The following CYFIP1 variants were observed in gnomAD, a reference collection of about 807,000 sequenced individuals.
CYFIP1 encodes cytoplasmic FMR1-interacting protein 1.
In CYFIP1, 58 loss-of-function variants were observed where a neutral mutation model predicts 163.5. The observed-to-expected ratio is 0.35, with a 90% CI of 0.29 to 0.44. The LOEUF is 0.44. CYFIP1 is among the 20% of genes least tolerant of loss of function. The pLI is 1.00. For synonymous variants in CYFIP1, 663 were observed against 660.7 expected (o/e 1.00, Z -0.05); for missense variants, 1,338 against 1,653.8 (o/e 0.81, Z 3.31).
Position 22,947,292 on chromosome 15 carries a change from C to A in CYFIP1, c.-6-1G>T. On this transcript the variant is annotated splice_acceptor_variant, in intron 1 of 30. Transcript: ENST00000617928. LOFTEE classifies it low-confidence loss of function (5UTR_SPLICE). ...GAGTCACCTGGGCCGCCATCCTGGG[C>A]TGGAACAACACATAAGGACCCCTGT... 1 of 1,613,362 alleles carries A rather than the reference C, an allele frequency of 6.2e-7. No homozygotes were observed. The highest frequency in any genetic ancestry group is 1.1e-5 in the South Asian group (1 of 91,024).
chr15:22,882,784 C>G, intron 24 of CYFIP1, 84 bp downstream of exon 24: 1 of 1,479,284 alleles, frequency 6.8e-7, no homozygotes, highest in Non-Finnish European at 9.2e-7. Flanking sequence ...TGGAGAATCA[C>G]AGTCCAGGCA....
At position 22,872,858 on chromosome 15, in the gene CYFIP1, T is replaced by C; in HGVS notation, c.3564A>G (p.Lys1188=). 5 of 1,614,170 alleles carry C rather than the reference T, an allele frequency of 3.1e-6. No individual in the cohort carries two copies. Among genetic ancestry groups the C allele is most frequent in the Non-Finnish European group, 4.2e-6 (5 of 1,179,996 alleles). ...DFCYHLLKVQ[K]HDGKDEIIKN... Reference sequence around the variant, plus strand: ...TAATAATCTCATCTTTGCCATCATGTTTCTGGACTTTAAGTAGATGGTAGC... The same window carrying C: ...TAATAATCTCATCTTTGCCATCATGCTTCTGGACTTTAAGTAGATGGTAGC... Residue 1188 remains lysine, a synonymous_variant, in exon 30 of 31, where the codon AAA becomes AAG. Coordinates refer to ENST00000617928, the MANE Select transcript of CYFIP1 (RefSeq NM_014608.6).
chr15:22,876,124 T>TA (rs897409112), intron 26 of CYFIP1, among the ~76,000 whole-genome samples: 1 of 151,704 alleles, frequency 6.6e-6, no homozygotes, highest in Non-Finnish European at 1.5e-5. Flanking sequence ...GCTGAAATCT[T>TA]AAAGTCCCAT....
chr15:22,887,223 G>T (rs2059948991), intron 23 of CYFIP1, among the ~76,000 whole-genome samples: 1 of 152,066 alleles, frequency 6.6e-6, no homozygotes, highest in Admixed American at 6.5e-5. Flanking sequence ...ATGTGTAGAG[G>T]GTCATGAGAC....
chr15:22,885,596 G>A lies in CYFIP1; in HGVS notation c.2677-2585C>T, dbSNP rs557623268. 3.2e-4 allele frequency among the ~76,000 whole-genome samples: 49 copies of A among 152,284 alleles called. 2 individuals are homozygous for A. The South Asian group carries it at 9.3e-3, about 29-fold the overall frequency. On this transcript the variant is annotated intron_variant, in intron 23 of 30. Coordinates refer to ENST00000617928, the MANE Select transcript of CYFIP1 (RefSeq NM_014608.6). ...AAATACAAAAAAATTAACTGGGCAT[G>A]GTGGTGGGCACCTGTAATCCCAGCT...
At chr15:22,875,354 G>C in intron 26 of CYFIP1, 83 bp from the exon 27 acceptor site, 1 of 1,141,850 alleles carries the variant, frequency 8.8e-7, no homozygotes. Context: ...GAACTTCTTT[G>C]CCTTTTAGCA....
chr15:22,905,254 C>T (rs1353777000), intron 21 of CYFIP1: 1 of 152,108 alleles, frequency 6.6e-6, no homozygotes, highest in Non-Finnish European at 1.5e-5. Context: ...TTACCAAATA[C>T]ATGATGTATG....
At chr15:22,873,751 G>T in intron 28 of CYFIP1, 22 bp from the exon 29 acceptor site, 1 of 1,593,822 alleles carries the variant, frequency 6.3e-7, no homozygotes, top group Non-Finnish European at 8.6e-7. Context: ...ACAAGCCGTG[G>T]AATGCCGTGG....
At chr15:22,870,329 G>T (rs1226845185) in intron 30 of CYFIP1, 137 bp from the exon 31 acceptor site, 98 of 833,352 alleles carry the variant, frequency 1.2e-4, no homozygotes, top group South Asian at 2.7e-4. Context: ...TTCTTTTTGG[G>T]TTTTTTTTTG....
intron 1 of CYFIP1, among the ~76,000 whole-genome samples, chr15:22,972,765 C>G (rs1245193136): frequency 6.6e-6 from 1 of 152,112 alleles, no homozygotes; most frequent in African/African-American, 2.4e-5. Flanking sequence ...ATAATCCCTG[C>G]GAAGCCCAGG....
chr15:22,967,041 A>T (rs2062935951), intron 1 of CYFIP1, among the ~76,000 whole-genome samples: 1 of 152,092 alleles, frequency 6.6e-6, no homozygotes, highest in South Asian at 2.1e-4. Context: ...AAAAGCTGAT[A>T]AAAGATGAAA....
intron 3 of CYFIP1, among the ~76,000 whole-genome samples, 166 bp from the exon 4 acceptor site, chr15:22,945,105 G>C (rs914538425): frequency 7.2e-5 from 11 of 152,166 alleles, no homozygotes; most frequent in Admixed American, 5.2e-4. Flanking sequence ...TGCGGCGCTG[G>C]GGGCCACAAT....
chr15:22,904,012 A>C, intron 21 of CYFIP1, 107 bp from the exon 22 acceptor site: 5 of 1,025,464 alleles, frequency 4.9e-6, no homozygotes, highest in Non-Finnish European at 5.8e-6. Flanking sequence ...GCAGGGCTGC[A>C]CGGAGGCAGC....
chr15:22,928,396 TAAATA>T (rs2061426929), intron 11 of CYFIP1, among the ~76,000 whole-genome samples: 1 of 9,328 alleles, frequency 1.1e-4, no homozygotes, highest in Non-Finnish European at 2.3e-4. Flanking sequence ...AAATAATAAA[TAAATA>T]AATAAATAAA....
chr15:22,888,906 T>C (rs1426952855), intron 23 of CYFIP1, among the ~76,000 whole-genome samples: 1 of 151,876 alleles, frequency 6.6e-6, no homozygotes. Context: ...CCAGGCGTGG[T>C]GGCACACTCC....
Position 22,867,577 on chromosome 15 carries a change from T to TAA in CYFIP1, c.*2450_*2451insTT, listed in dbSNP as rs2059196002. 566 of 191,704 alleles carry TAA rather than the reference T, an allele frequency of 3.0e-3. 3 individuals carry two copies. Among genetic ancestry groups the TAA allele is most frequent in the African/African-American group, 0.012 (539 of 43,258 alleles). The allele number at this position is 191,704 out of a possible 1,614,324, so 11.9% of individuals were successfully genotyped here. On this transcript the variant is annotated 3_prime_UTR_variant, in exon 31 of 31. Transcript: ENST00000617928. ...ATCCCATGATGCCTGGAACCTTGAT[T>TAA]ACCGTTTTACATCAGCTCTTGTACT...
chr15:22,934,485 CTTTTTTTTTTTTTTTTT>C (rs35881374), intron 9 of CYFIP1, among the ~76,000 whole-genome samples: 1 of 49,798 alleles, frequency 2.0e-5, no homozygotes, highest in Non-Finnish European at 3.6e-5. Flanking sequence ...GCACCCAGCC[CTTTTTTTTTTTTTTTTT>C]TTTTTTTTTT....
intron 11 of CYFIP1, among the ~76,000 whole-genome samples, chr15:22,931,686 G>GAA (rs766177290): frequency 0.043 from 1,718 of 39,632 alleles, 205 homozygotes; most frequent in African/African-American, 0.11. Context: ...ATGTTTTTCT[G>GAA]AAAAAAAAAA....
At position 22,937,163 on chromosome 15, in the gene CYFIP1, T is replaced by G; in HGVS notation, c.841A>C (p.Ile281Leu). 1.2e-6 allele frequency: 2 copies of G among 1,613,740 alleles called. No homozygotes were observed. The highest frequency in any genetic ancestry group is 1.1e-5 in the South Asian group (1 of 91,064). Reference sequence around the variant, plus strand: ...CTTTTCTTGGCATCCAACTTATAGATGTTACTGACACTCCCATCCATCAGG... The same window carrying G: ...CTTTTCTTGGCATCCAACTTATAGAGGTTACTGACACTCCCATCCATCAGG... Reference protein sequence around the residue: ...LYLMDGSVSNIYKLDAKKRIN... With the variant: ...LYLMDGSVSNLYKLDAKKRIN... The change falls in exon 9 of 31, where the codon ATC becomes CTC. Residue 281 changes from isoleucine to leucine, a missense_variant. Coordinates refer to ENST00000617928, the MANE Select transcript of CYFIP1 (RefSeq NM_014608.6).
Sources: gnomAD v4.1 joint callset for allele counts (sites outside exome capture counted in the v4.1 genomes callset) on GRCh38, gnomAD v4.1.1 for gene constraint, MANE v1.5 for transcripts, NCBI Gene and HGNC (gene_info 2026-07-23, HGNC 2026-07-21) for gene names.